Variants in MSI2 observed in about 807,000 individuals in gnomAD.
The protein encoded by MSI2 is musashi RNA binding protein 2.
Under a neutral mutation model 45.6 loss-of-function variants are expected in MSI2, and 17 were observed. The ratio of observed to expected loss-of-function variants is 0.37; its 90% CI spans 0.26 to 0.56. The LOEUF is 0.56. MSI2 is among the 20% of genes least tolerant of loss of function. MSI2 has a pLI of 0.77. For missense variants in MSI2, 293 were observed against 444.2 expected (o/e 0.66, Z 3.06); for synonymous variants, 156 against 158.2 (o/e 0.99, Z 0.11).
chr17:57,692,602 A>G, the MSI2 span, among the ~76,000 whole-genome samples: 1 of 152,168 alleles, frequency 6.6e-6, no homozygotes, highest in African/African-American at 2.4e-5. Flanking sequence ...TACTTTTTGT[A>G]ATGCAAATCT....
intron 6 of MSI2, among the ~76,000 whole-genome samples, chr17:57,490,742 G>C (rs977586867): frequency 2.0e-5 from 3 of 152,126 alleles, no homozygotes; most frequent in African/African-American, 7.2e-5. Flanking sequence ...GTTTTTTTCT[G>C]TGGGGCACAT....
At chr17:57,569,084 G>A (rs1021058456) in intron 7 of MSI2, among the ~76,000 whole-genome samples, 2 of 152,082 alleles carry the variant, frequency 1.3e-5, no homozygotes, top group African/African-American at 2.4e-5. Context: ...CAAGGCTAGG[G>A]TGGGGAGGTG....
intron 5 of MSI2, among the ~76,000 whole-genome samples, chr17:57,354,953 G>T (rs941436296): frequency 1.3e-5 from 2 of 152,162 alleles, no homozygotes; most frequent in Admixed American, 6.5e-5. Context: ...GAAAAATGTG[G>T]AGTCTGTGAC....
chr17:57,349,783 A>T (rs926694473), intron 5 of MSI2, among the ~76,000 whole-genome samples: 7 of 152,266 alleles, frequency 4.6e-5, no homozygotes, highest in African/African-American at 1.7e-4. Context: ...AACATTAGTC[A>T]TGGTAAGCTT....
chr17:57,330,610 A>G (rs1012143708), intron 5 of MSI2, among the ~76,000 whole-genome samples: 2 of 152,022 alleles, frequency 1.3e-5, no homozygotes, highest in African/African-American at 2.4e-5. Context: ...TGTAAAGGGT[A>G]CCTGCATGAT....
At chr17:57,408,524 G>A (rs1174469611) in intron 6 of MSI2, among the ~76,000 whole-genome samples, 4 of 152,146 alleles carry the variant, frequency 2.6e-5, no homozygotes, top group South Asian at 2.1e-4. Flanking sequence ...TTTCTGCTGC[G>A]GCAAGGAGAG....
At chr17:57,654,922 T>G (rs1911478025) in intron 11 of MSI2, among the ~76,000 whole-genome samples, 3 of 151,530 alleles carry the variant, frequency 2.0e-5, no homozygotes, top group Admixed American at 1.3e-4. Context: ...TGGGTTTTTT[T>G]TTTTTTTTTT....
chr17:57,599,488 T>G (rs1905622686), intron 8 of MSI2, among the ~76,000 whole-genome samples: 1 of 152,172 alleles, frequency 6.6e-6, no homozygotes, highest in Non-Finnish European at 1.5e-5. Context: ...CCAGAGAGAT[T>G]TGCAGCCATT....
intron 5 of MSI2, among the ~76,000 whole-genome samples, chr17:57,292,180 T>C (rs1281107832): frequency 6.7e-6 from 1 of 149,942 alleles, no homozygotes; most frequent in South Asian, 2.1e-4. Context: ...GGCTAGAGAA[T>C]GGGAGGGGAG....
intron 5 of MSI2, among the ~76,000 whole-genome samples, chr17:57,363,773 AAACAAC>A (rs139222290): frequency 4.1e-4 from 62 of 150,174 alleles, no homozygotes; most frequent in African/African-American, 6.6e-4. Flanking sequence ...CAACAACAAC[AAACAAC>A]AACAACAACA....
intron 6 of MSI2, among the ~76,000 whole-genome samples, chr17:57,511,900 C>T (rs532748658): frequency 6.6e-6 from 1 of 152,318 alleles, no homozygotes; most frequent in Admixed American, 6.5e-5. Context: ...CTGCAGTTTC[C>T]CTGCCCTGCT....
At chr17:57,472,706 G>A (rs1402548150) in intron 6 of MSI2, among the ~76,000 whole-genome samples, 3 of 152,148 alleles carry the variant, frequency 2.0e-5, no homozygotes, top group African/African-American at 4.8e-5. Context: ...GTTGCTGTGC[G>A]CTGTGTGAAA....
chr17:57,402,380 C>G (rs1224638196), intron 6 of MSI2, among the ~76,000 whole-genome samples: 2 of 152,216 alleles, frequency 1.3e-5, no homozygotes, highest in South Asian at 4.1e-4. Context: ...AGGTCTGGGA[C>G]AGTCTCCTCC....
At position 57,552,494 on chromosome 17, in the gene MSI2, G is replaced by A. The variant is rs190239395; in HGVS notation, c.454+22770G>A. The stretch of plus-strand genomic sequence containing the variant: ...GCAGGGCCAGACGCTAGGTGTCGCC[G>A]TCCTGGACCTGCCTCCATCCCCGGA... On this transcript the variant is annotated intron_variant, in intron 7 of 13. Transcript: ENST00000284073. The surrounding 1 kb of genome is among the most constrained non-coding windows in gnomAD (Gnocchi z 4.3). Among the ~76,000 whole-genome samples, 31 of 152,262 alleles carry A rather than the reference G, an allele frequency of 2.0e-4. No individual in the cohort carries two copies. The highest frequency in any genetic ancestry group is 6.8e-3 in the Middle Eastern group (2 of 294).
intron 6 of MSI2, among the ~76,000 whole-genome samples, chr17:57,508,901 G>A (rs1388939459): frequency 6.6e-6 from 1 of 152,262 alleles, no homozygotes; most frequent in East Asian, 1.9e-4. Context: ...GGCTGTTCCG[G>A]GACCCATTCA....
At chr17:57,390,801 T>C (rs1662450736) in intron 5 of MSI2, among the ~76,000 whole-genome samples, 1 of 152,170 alleles carries the variant, frequency 6.6e-6, no homozygotes, top group Non-Finnish European at 1.5e-5. Context: ...GGAAATCCTC[T>C]CTTGGTCTGG....
At chr17:57,644,962 T>A (rs1910540394) in intron 10 of MSI2, among the ~76,000 whole-genome samples, 1 of 151,908 alleles carries the variant, frequency 6.6e-6, no homozygotes, top group Non-Finnish European at 1.5e-5. Flanking sequence ...GGCAGTCCAC[T>A]CCCAGACCAG....
At chr17:57,575,956 A>AG (rs2088032269) in intron 7 of MSI2, among the ~76,000 whole-genome samples, 1 of 148,748 alleles carries the variant, frequency 6.7e-6, no homozygotes, top group Non-Finnish European at 1.5e-5. Context: ...AAAAAAAAAA[A>AG]AAAAAAAAAA....
chr17:57,335,019 T>C (rs16958225), intron 5 of MSI2, among the ~76,000 whole-genome samples: 10,881 of 152,080 alleles, frequency 0.072, 619 homozygotes, highest in East Asian at 0.18. Flanking sequence ...AGCATAATCT[T>C]TGTCTACTAG....
Sources: gnomAD v4.1 joint callset for allele counts (sites outside exome capture counted in the v4.1 genomes callset) on GRCh38, gnomAD v4.1.1 for gene constraint, Gnocchi (gnomAD v3.1) non-coding constraint, MANE v1.5 for transcripts, NCBI Gene and HGNC (gene_info 2026-07-23, HGNC 2026-07-21) for gene names.